The following CELSR2 variants were observed in gnomAD, a reference collection of about 807,000 sequenced individuals.
The protein encoded by CELSR2 is cadherin EGF LAG seven-pass G-type receptor 2.
CELSR2 carries 81 observed loss-of-function variants against 251.6 expected under a neutral mutation model. The ratio of observed to expected loss-of-function variants is 0.32; its 90% CI spans 0.27 to 0.39. The LOEUF (loss-of-function observed/expected upper bound fraction) is 0.39. Ranked by LOEUF, CELSR2 falls within the 10% of genes least tolerant of loss-of-function variation. The pLI, the probability that CELSR2 is intolerant of heterozygous loss-of-function variation, is 1.00. For missense variants in CELSR2, 3,365 were observed against 3,947.7 expected (o/e 0.85, Z 3.96); for synonymous variants, 1,721 against 1,670.5 (o/e 1.03, Z -0.74).
At position 109,271,401 on chromosome 1, in the gene CELSR2, C is replaced by G. The variant is rs777781615; in HGVS notation, c.7692C>G (p.Pro2564=). 6.2e-7 allele frequency: 1 copy of G among 1,613,916 alleles called. No homozygotes were observed. Among genetic ancestry groups the G allele is most frequent in the Non-Finnish European group, 8.5e-7 (1 of 1,180,024 alleles). Residue 2564 remains proline, a synonymous_variant, in exon 27 of 34, where the codon CCC becomes CCG. Transcript: ENST00000271332. ...EKKGPVSGLQ[P]SFAVLLLLSA... ...CTATCCCCAGCTCGGGCCTGCAGCC[C>G]TCCTTCGCCGTCCTCCTGCTGCTGA...
chr1:109,272,193 G>A (rs747383225), intron 28 of CELSR2, 85 bp from the exon 29 acceptor site: 169 of 1,476,924 alleles, frequency 1.1e-4, no homozygotes, highest in Non-Finnish European at 1.5e-4. Context: ...TGGAACTTAG[G>A]GCAAGTTCCC....
At position 109,268,584 on chromosome 1, in the gene CELSR2, C is replaced by G; in HGVS notation, c.6322C>G (p.Leu2108Val). The change falls in exon 18 of 34, where the codon CTG becomes GTG. Residue 2108 changes from leucine (L) to valine (V), a missense_variant. Leu to Val is a conservative substitution (Grantham distance 32). Around this residue, in one of 5 missense-constraint regions of CELSR2, gnomAD observed 2,093 missense variants for 2,382.8 expected, o/e 0.88. Coordinates refer to ENST00000271332, the MANE Select transcript of CELSR2 (RefSeq NM_001408.3). ...ACCGTGACCTTGCCCACCCCAGAAT[C>G]TGCTGCGGGTGGGCAGCGCCCTCCT... is the stretch of plus-strand genomic sequence containing the variant. ...ATQDVHFTEN[L>V]LRVGSALLDT... The G allele has an allele frequency of 1.2e-6, 2 of 1,607,142 alleles. No homozygotes were observed. The highest frequency in any genetic ancestry group is 1.7e-6 in the Non-Finnish European group (2 of 1,175,708).
In CELSR2 at chr1:109,266,487, C is replaced by G. The variant is rs577088149; in HGVS notation, c.6013+281C>G. On this transcript the variant is annotated intron_variant, in intron 15 of 33. Transcript: ENST00000271332. Reference sequence around the variant, plus strand: ...GGTGTGCAGTGGCGTGATCTCCGCTCGCTGCAACCTCTGCCTCCCAGGTTC... The same window carrying G: ...GGTGTGCAGTGGCGTGATCTCCGCTGGCTGCAACCTCTGCCTCCCAGGTTC... 21 of 295,298 alleles carry G rather than the reference C, an allele frequency of 7.1e-5. No individual in the cohort carries two copies. The South Asian group carries it at 1.6e-3, about 22-fold the overall frequency. The allele number at this position is 295,298 out of a possible 1,614,324, so 18.3% of individuals were successfully genotyped here.
In CELSR2 at chr1:109,272,814, T is replaced by G. The variant is rs764037595; in HGVS notation, c.8144-19T>G. The G allele has an allele frequency of 3.6e-5, 58 of 1,612,996 alleles. No individual in the cohort carries two copies. Among genetic ancestry groups the G allele is most frequent in the Non-Finnish European group, 4.9e-5 (58 of 1,179,288 alleles). ...GTGGAGGTGGCTGGGCTGGCTGTGA[T>G]CTCTCCCTGGCCTCCTAGATCCTGA... On this transcript the variant is annotated intron_variant, in intron 30 of 33. Transcript: ENST00000271332.
At position 109,264,437 on chromosome 1, in the gene CELSR2, G is replaced by GCTC; in HGVS notation, c.5290-14_5290-12dup. 6.2e-7 allele frequency: 1 copy of GCTC among 1,605,858 alleles called. No homozygotes were observed. Among genetic ancestry groups the GCTC allele is most frequent in the Non-Finnish European group, 8.5e-7 (1 of 1,173,658 alleles). ...GCCCCGCTCCACTGAGGGCAACACT[G>GCTC]CTCCTGTCCCTCCCAGGGTGTGCGG... On this transcript the variant is annotated splice_polypyrimidine_tract_variant and intron_variant, in intron 10 of 33. Transcript: ENST00000271332.
At position 109,272,323 on chromosome 1, in the gene CELSR2, C is replaced by T; in HGVS notation, c.7972C>T (p.Pro2658Ser). The T allele has an allele frequency of 6.2e-7, 1 of 1,612,364 alleles. No individual in the cohort carries two copies. The highest frequency in any genetic ancestry group is 8.5e-7 in the Non-Finnish European group (1 of 1,178,792). Residue 2658 changes from proline to serine, a missense_variant, in exon 29 of 34, where the codon CCC becomes TCC. Pro to Ser is a moderately conservative substitution (Grantham distance 74). Coordinates refer to ENST00000271332, the MANE Select transcript of CELSR2 (RefSeq NM_001408.3). ...SPYADGRLYQ[P>S]YGDSAGSLHS... ...CTACGCAGATGGGCGGCTGTACCAG[C>T]CCTACGGAGACTCGGCCGGCTCTCT...
chr1:109,263,865 C>G (rs765897215), intron 9 of CELSR2, 88 bp downstream of exon 9: 1 of 1,514,580 alleles, frequency 6.6e-7, no homozygotes, highest in Non-Finnish European at 8.8e-7. Context: ...TGGGCAGGTC[C>G]TGGGCAGGGG....
At position 109,274,319 on chromosome 1, in the gene CELSR2, G is replaced by GA. The variant is rs1448376499; in HGVS notation, c.*277dup. 16 of 663,842 alleles carry GA rather than the reference G, an allele frequency of 2.4e-5. No individual in the cohort carries two copies. The highest frequency in any genetic ancestry group is 3.5e-5 in the Non-Finnish European group (15 of 425,062). 41.1% of individuals were successfully genotyped at this position (663,842 alleles called of 1,614,324 possible). ...CAAGACAAAGTTTTTCAGAAAAGAG[G>GA]AAAAAAAGAATTTAAAAAAGGATCT... On this transcript the variant is annotated 3_prime_UTR_variant, in exon 34 of 34. Coordinates refer to ENST00000271332, the MANE Select transcript of CELSR2 (RefSeq NM_001408.3).
Position 109,268,626 on chromosome 1 carries a change from C to G in CELSR2, c.6364C>G (p.Arg2122Gly). The change falls in exon 18 of 34, where the codon CGG becomes GGG. Residue 2122 changes from arginine to glycine, a missense_variant. Coordinates refer to ENST00000271332, the MANE Select transcript of CELSR2 (RefSeq NM_001408.3). ...CGCCCTCCTGGACACAGCCAACAAG[C>G]GGCACTGGGAGCTGATCCAGCAGAC... ...GSALLDTANK[R>G]HWELIQQTEG... 6.2e-7 allele frequency: 1 copy of G among 1,613,724 alleles called. No homozygotes were observed. Among genetic ancestry groups the G allele is most frequent in the African/African-American group, 1.3e-5 (1 of 75,060 alleles).
intron 5 of CELSR2, among the ~76,000 whole-genome samples, 184 bp from the exon 6 acceptor site, chr1:109,262,103 C>T (rs977206278): frequency 5.9e-5 from 9 of 152,232 alleles, no homozygotes; most frequent in Middle Eastern, 3.2e-3. Flanking sequence ...TAGGCAGCCG[C>T]AAACTTGGAC....
At position 109,263,757 on chromosome 1, in the gene CELSR2, C is replaced by T. The variant is rs781024239; in HGVS notation, c.4981C>T (p.Arg1661Cys). 7 of 1,613,314 alleles carry T rather than the reference C, an allele frequency of 4.3e-6. No individual in the cohort carries two copies. The highest frequency in any genetic ancestry group is 4.0e-5 in the African/African-American group (3 of 74,932). ...GVLLQAITRGRSTITLQLREG... is the reference protein window; with the variant it reads ...GVLLQAITRGCSTITLQLREG... ...CCTGCTGCAGGCCATCACCAGGGGG[C>T]GCAGCACCATCACCCTACAGGTGAT... Residue 1661 changes from arginine to cysteine, a missense_variant, in exon 9 of 34, where the codon CGC becomes TGC. By Grantham distance (180) the Arg-to-Cys change is radical. Transcript: ENST00000271332.
intron 1 of CELSR2, 26 bp downstream of exon 1, chr1:109,253,415 G>C: frequency 1.2e-6 from 2 of 1,601,486 alleles, no homozygotes; most frequent in South Asian, 2.2e-5. Flanking sequence ...GGTGGCGCTG[G>C]GGTGGGGGTA....
chr1:109,257,339 AGTCT>A (rs1215736192), intron 1 of CELSR2, among the ~76,000 whole-genome samples: 4 of 143,804 alleles, frequency 2.8e-5, no homozygotes, highest in African/African-American at 5.5e-5. Context: ...GGCGACAGAG[AGTCT>A]GTCTCTTAAA....
chr1:109,252,235 T>C lies in CELSR2; in HGVS notation c.2156T>C (p.Val719Ala). The change falls in exon 1 of 34, where the codon GTG (valine) becomes GCG (alanine). Residue 719 changes from valine to alanine, a missense_variant. Around this residue, in one of 5 missense-constraint regions of CELSR2, gnomAD observed 505 missense variants for 660.0 expected, o/e 0.77. Transcript: ENST00000271332. The surrounding 1 kb of genome is among the most constrained non-coding windows in gnomAD (Gnocchi z 4.8). ...GTCTTTCAGAGCTCCCACTATACAG[T>C]GAATGTTAATGAGGACCGGCCGGCA... is the stretch of plus-strand genomic sequence containing the variant. ...RPVFQSSHYT[V>A]NVNEDRPAGT... 3 of 1,613,348 alleles carry C rather than the reference T, an allele frequency of 1.9e-6. No homozygotes were observed. Among genetic ancestry groups the C allele is most frequent in the Non-Finnish European group, 2.5e-6 (3 of 1,179,970 alleles).
In CELSR2 at chr1:109,250,058, C is replaced by A; in HGVS notation, c.-22C>A. 7.5e-7 allele frequency: 1 copy of A among 1,327,910 alleles called. No individual in the cohort carries two copies. Among genetic ancestry groups the A allele is most frequent in the East Asian group, 3.1e-5 (1 of 32,596 alleles). 82.3% of individuals were successfully genotyped at this position (1,327,910 alleles called of 1,614,324 possible). A position where few individuals can be genotyped will look rare whatever the true frequency, so the allele number is the denominator to read the frequency against. ...GAGCCGCCGCCGCCGTTGACCCGGC[C>A]GCCGGCCGGGAGCTGGGAGAGATGC... On this transcript the variant is annotated 5_prime_UTR_variant, in exon 1 of 34. Coordinates refer to ENST00000271332, the MANE Select transcript of CELSR2 (RefSeq NM_001408.3). The surrounding 1 kb of genome is among the most constrained non-coding windows in gnomAD (Gnocchi z 4.4).
At position 109,264,270 on chromosome 1, in the gene CELSR2, C is replaced by G. The variant is rs748616597; in HGVS notation, c.5194C>G (p.Pro1732Ala). 1.2e-6 allele frequency: 2 copies of G among 1,614,010 alleles called. No homozygotes were observed. The highest frequency in any genetic ancestry group is 1.7e-5 in the Admixed American group (1 of 60,032). The stretch of plus-strand genomic sequence containing the variant: ...GCAGAGAGCAGAGGGCAACCTGGGC[C>G]CCCGGCTGCATGGTCTGCACCTGAG... ...GQQRAEGNLG[P>A]RLHGLHLSNI... The change falls in exon 10 of 34, where the codon CCC (proline) becomes GCC (alanine). Residue 1732 changes from proline (P) to alanine (A), a missense_variant. Transcript: ENST00000271332.
Position 109,269,353 on chromosome 1 carries a change from G to C in CELSR2, c.6812+63G>C. 6.2e-7 allele frequency: 1 copy of C among 1,609,694 alleles called. No homozygotes were observed. The highest frequency in any genetic ancestry group is 1.7e-5 in the Admixed American group (1 of 59,558). ...GTCGGGCGGTGAGTGCTGAGGCATGGAGGGGGTCGGGGGCGTCTCCCCAGT... is the reference window on the plus strand; with the variant it reads ...GTCGGGCGGTGAGTGCTGAGGCATGCAGGGGGTCGGGGGCGTCTCCCCAGT... On this transcript the variant is annotated intron_variant, in intron 20 of 33. Transcript: ENST00000271332. This position sits in a 1 kb window ranked among gnomAD's most constrained non-coding sequence, Gnocchi z 6.4.
intron 33 of CELSR2, 66 bp from the exon 34 acceptor site, chr1:109,273,956 T>C: frequency 2.5e-6 from 4 of 1,585,682 alleles, no homozygotes; most frequent in Non-Finnish European, 3.5e-6. Context: ...AAGCTTTCAC[T>C]CTCTCCTCTG....
In CELSR2 at chr1:109,270,973, C is replaced by G. The variant is rs1230977617; in HGVS notation, c.7530C>G (p.Phe2510Leu). ...CCGAGGGCTACGGGAACCCTGACTT[C>G]TGCTGGCTCTCCATCTATGACACGC... ...LDPEGYGNPD[F>L]CWLSIYDTLI... Residue 2510 changes from phenylalanine to leucine, a missense_variant, in exon 25 of 34, where the codon TTC becomes TTG. Coordinates refer to ENST00000271332, the MANE Select transcript of CELSR2 (RefSeq NM_001408.3). The G allele has an allele frequency of 1.9e-6, 3 of 1,614,088 alleles. No individual in the cohort carries two copies. The highest frequency in any genetic ancestry group is 2.2e-5 in the South Asian group (2 of 91,070).
Sources: allele counts gnomAD v4.1 joint callset (sites outside exome capture counted in the v4.1 genomes callset), GRCh38; gene constraint gnomAD v4.1.1; regional missense constraint gnomAD v4.1.1; non-coding constraint Gnocchi (gnomAD v3.1); transcripts MANE v1.5; gene names NCBI Gene and HGNC (gene_info 2026-07-23, HGNC 2026-07-21).